BARX2: variants seen among roughly 807,000 people sequenced by gnomAD.
BARX2 encodes homeobox protein BarH-like 2.
Under a neutral mutation model 25.5 loss-of-function variants are expected in BARX2, and 11 were observed. That is an observed-to-expected ratio of 0.43 (90% CI 0.27 to 0.71). BARX2 has a LOEUF of 0.71. Ranked by LOEUF, BARX2 falls within the 30% of genes least tolerant of loss-of-function variation. The pLI, the probability that BARX2 is intolerant of heterozygous loss-of-function variation, is 0.19. For missense variants in BARX2, 360 were observed against 359.9 expected (o/e 1.00, Z 0.00); for synonymous variants, 137 against 149.5 (o/e 0.92, Z 0.61).
chr11:129,394,319 T>C (rs2135389526), intron 1 of BARX2, among the ~76,000 whole-genome samples: 1 of 152,364 alleles, frequency 6.6e-6, no homozygotes, highest in South Asian at 2.1e-4. Flanking sequence ...TTTTTGCTGC[T>C]TTGAACATGC....
chr11:129,450,773 GT>G (rs954495379), intron 3 of BARX2, among the ~76,000 whole-genome samples: 2 of 151,952 alleles, frequency 1.3e-5, no homozygotes, highest in African/African-American at 2.4e-5. Flanking sequence ...CATACAGTGT[GT>G]TTTTTTTCCT....
intron 1 of BARX2, among the ~76,000 whole-genome samples, chr11:129,395,956 T>C (rs967815316): frequency 6.6e-6 from 1 of 152,138 alleles, no homozygotes; most frequent in Non-Finnish European, 1.5e-5. Context: ...CTGAAAAATA[T>C]AGAATCTTAG....
At chr11:129,441,696 C>T (rs1037664486) in intron 2 of BARX2, among the ~76,000 whole-genome samples, 8 of 152,128 alleles carry the variant, frequency 5.3e-5, no homozygotes, top group African/African-American at 1.2e-4. Flanking sequence ...GTGATCCACC[C>T]GCCTCGGCCT....
chr11:129,447,278 A>C (rs866723002), intron 3 of BARX2, among the ~76,000 whole-genome samples: 10 of 152,186 alleles, frequency 6.6e-5, no homozygotes, highest in African/African-American at 2.2e-4. Flanking sequence ...CACCCTCAGC[A>C]ACAGAACATC....
intron 1 of BARX2, among the ~76,000 whole-genome samples, chr11:129,407,257 C>G (rs1431085460): frequency 3.3e-5 from 5 of 152,206 alleles, no homozygotes; most frequent in African/African-American, 4.8e-5. Flanking sequence ...ACTCCTACAT[C>G]TTCATGTAAC....
intron 1 of BARX2, among the ~76,000 whole-genome samples, chr11:129,423,170 G>A (rs1258557410): frequency 6.7e-6 from 1 of 149,926 alleles, no homozygotes; most frequent in East Asian, 2.0e-4. Context: ...AGGCTGGAGT[G>A]TAATGGCGTG....
In BARX2 at chr11:129,436,588, C is replaced by G; in HGVS notation, c.188-163C>G. 1 of 737,012 alleles carries G rather than the reference C, an allele frequency of 1.4e-6. No individual in the cohort carries two copies. Among genetic ancestry groups the G allele is most frequent in the Non-Finnish European group, 2.2e-6 (1 of 458,116 alleles). The allele number at this position is 737,012 out of a possible 1,614,324, so 45.7% of individuals were successfully genotyped here. On this transcript the variant is annotated intron_variant, in intron 1 of 3. Coordinates refer to ENST00000281437, the MANE Select transcript of BARX2 (RefSeq NM_003658.5). The surrounding 1 kb of genome is among the most constrained non-coding windows in gnomAD (Gnocchi z 4.5). ...GCAGACCTCTGTGCCTGCCCTGCAGCTGTAGGTCTTGAGTTACCTCTCCTT... is the reference window on the plus strand; with the variant it reads ...GCAGACCTCTGTGCCTGCCCTGCAGGTGTAGGTCTTGAGTTACCTCTCCTT...
At position 129,390,109 on chromosome 11, in the gene BARX2, C is replaced by T. The variant is rs1314644085; in HGVS notation, c.187+13887C>T. On this transcript the variant is annotated intron_variant, in intron 1 of 3. Transcript: ENST00000281437. This position sits in a 1 kb window ranked among gnomAD's most constrained non-coding sequence, Gnocchi z 4.3. ...TACTTTAATTGATGAATCCCCTCCACGGTGTGAGAAGAATTCTCTTGATGA... is the reference window on the plus strand; with the variant it reads ...TACTTTAATTGATGAATCCCCTCCATGGTGTGAGAAGAATTCTCTTGATGA... Among the ~76,000 whole-genome samples the T allele has an allele frequency of 1.3e-5, 2 of 152,190 alleles. No homozygotes were observed. Among genetic ancestry groups the T allele is most frequent in the South Asian group, 2.1e-4 (1 of 4,828 alleles).
At chr11:129,380,085 A>G (rs1244994615) in intron 1 of BARX2, among the ~76,000 whole-genome samples, 1 of 151,850 alleles carries the variant, frequency 6.6e-6, no homozygotes, top group East Asian at 2.0e-4. Context: ...GGGTCACGTC[A>G]GTGCTTCGTT....
chr11:129,418,428 C>T (rs1285577766), intron 1 of BARX2, among the ~76,000 whole-genome samples: 1 of 152,178 alleles, frequency 6.6e-6, no homozygotes, highest in Non-Finnish European at 1.5e-5. Context: ...CCCCAGGAAA[C>T]ACAACTATTT....
intron 1 of BARX2, among the ~76,000 whole-genome samples, chr11:129,380,082 G>A (rs531889377): frequency 5.3e-5 from 8 of 151,874 alleles, no homozygotes; most frequent in South Asian, 4.2e-4. Context: ...CCAGGGTCAC[G>A]TCAGTGCTTC....
At chr11:129,444,539 TAAATA>T (rs1401424208) in intron 3 of BARX2, among the ~76,000 whole-genome samples, 4 of 152,148 alleles carry the variant, frequency 2.6e-5, no homozygotes, top group African/African-American at 9.7e-5. Flanking sequence ...AAGAAGTAAT[TAAATA>T]AAATATCACC....
At chr11:129,424,800 C>T (rs1862045179) in intron 1 of BARX2, among the ~76,000 whole-genome samples, 1 of 152,112 alleles carries the variant, frequency 6.6e-6, no homozygotes, top group African/African-American at 2.4e-5. Context: ...GTGGACTTTG[C>T]CTCTGTGAAT....
chr11:129,402,642 C>T (rs375546206), intron 1 of BARX2, among the ~76,000 whole-genome samples: 1 of 152,146 alleles, frequency 6.6e-6, no homozygotes. Context: ...GAAATTAAAG[C>T]AATCAATCCA....
intron 1 of BARX2, among the ~76,000 whole-genome samples, chr11:129,408,069 A>C (rs1861851009): frequency 6.6e-6 from 1 of 151,326 alleles, no homozygotes; most frequent in Non-Finnish European, 1.5e-5. Flanking sequence ...GATGAAAGCT[A>C]ACCAAGTGAA....
chr11:129,404,153 A>C (rs1159882348), intron 1 of BARX2, among the ~76,000 whole-genome samples: 1 of 152,232 alleles, frequency 6.6e-6, no homozygotes, highest in African/African-American at 2.4e-5. Context: ...TCATTGCTAC[A>C]CCCATACCTA....
chr11:129,392,690 C>T (rs1354898472), intron 1 of BARX2, among the ~76,000 whole-genome samples: 2 of 152,042 alleles, frequency 1.3e-5, no homozygotes, highest in Non-Finnish European at 2.9e-5. Context: ...CGGCCCACTG[C>T]AGCCTCTCTT....
chr11:129,406,759 A>G (rs1203304473), intron 1 of BARX2, among the ~76,000 whole-genome samples: 1 of 152,184 alleles, frequency 6.6e-6, no homozygotes, highest in Admixed American at 6.5e-5. Context: ...GCAAACTAGG[A>G]CATCGACCCT....
intron 1 of BARX2, among the ~76,000 whole-genome samples, chr11:129,385,913 C>T (rs1861613075): frequency 6.6e-6 from 1 of 152,190 alleles, no homozygotes; most frequent in African/African-American, 2.4e-5. Context: ...TATCCTGAAA[C>T]AGTAGCATTT....
Sources: allele counts gnomAD v4.1 joint callset (sites outside exome capture counted in the v4.1 genomes callset), GRCh38; gene constraint gnomAD v4.1.1; non-coding constraint Gnocchi (gnomAD v3.1); transcripts MANE v1.5; gene names NCBI Gene and HGNC (gene_info 2026-07-23, HGNC 2026-07-21).